TMEM200A: variants seen among roughly 807,000 people sequenced by gnomAD.
TMEM200A encodes two transmembrane C.
In TMEM200A, 12 loss-of-function variants were observed where a neutral mutation model predicts 24.3. The ratio of observed to expected loss-of-function variants is 0.49; its 90% CI spans 0.32 to 0.80. TMEM200A has a LOEUF of 0.80. Ranked by LOEUF, TMEM200A falls within the 30% of genes least tolerant of loss-of-function variation. The pLI is 0.04. For missense variants in TMEM200A, 545 were observed against 614.4 expected (o/e 0.89, Z 1.19); for synonymous variants, 224 against 224.4 (o/e 1.00, Z 0.02).
chr6:130,393,300 TGTAAG>T (rs1176842723), intron 2 of TMEM200A, among the ~76,000 whole-genome samples: 5 of 152,154 alleles, frequency 3.3e-5, no homozygotes, highest in African/African-American at 9.7e-5. Flanking sequence ...AATTTGATCT[TGTAAG>T]GGAGAAATAC....
At chr6:130,393,346 A>G (rs1425280044) in intron 2 of TMEM200A, among the ~76,000 whole-genome samples, 4 of 152,344 alleles carry the variant, frequency 2.6e-5, no homozygotes, top group Middle Eastern at 3.4e-3. Flanking sequence ...TTCTGACAAT[A>G]GAGTGCTATT....
chr6:130,441,792 A>T lies in TMEM200A; in HGVS notation c.1370A>T (p.Lys457Met). ...GCCATCAAAAAGGACTTTACCAATAAGGAGAAGCTTCTTATGATTTCAAGA... is the reference window on the plus strand; with the variant it reads ...GCCATCAAAAAGGACTTTACCAATATGGAGAAGCTTCTTATGATTTCAAGA... Reference protein sequence around the residue: ...QVAIKKDFTNKEKLLMISRSH... With the variant: ...QVAIKKDFTNMEKLLMISRSH... Residue 457 changes from lysine (K) to methionine (M), a missense_variant, in exon 3 of 3, where the codon AAG (lysine) becomes ATG (methionine). Transcript: ENST00000296978. 1 of 1,614,118 alleles carries T rather than the reference A, an allele frequency of 6.2e-7. No individual in the cohort carries two copies. The highest frequency in any genetic ancestry group is 8.5e-7 in the Non-Finnish European group (1 of 1,179,980).
At chr6:130,415,629 C>G (rs913147365) in intron 2 of TMEM200A, among the ~76,000 whole-genome samples, 2 of 152,060 alleles carry the variant, frequency 1.3e-5, no homozygotes, top group Admixed American at 6.6e-5. Flanking sequence ...GAAATCTATC[C>G]ACCCCTCCCA....
chr6:130,376,787 T>C (rs1215168728), intron 1 of TMEM200A, among the ~76,000 whole-genome samples: 5 of 152,140 alleles, frequency 3.3e-5, no homozygotes, highest in African/African-American at 1.2e-4. Context: ...CCTGGTTAAG[T>C]AGGAATCTCT....
chr6:130,404,763 T>TGGTATTGCCTA (rs201459209), intron 2 of TMEM200A, among the ~76,000 whole-genome samples: 46,504 of 151,770 alleles, frequency 0.31, 10,288 homozygotes, highest in African/African-American at 0.63. Context: ...ATGTCCTGAA[T>TGGTATTGCCTA]GGTTGTCTTC....
rs902760857 is a variant in TMEM200A, at chr6:130,441,089, G to A, written c.667G>A (p.Asp223Asn). 6.2e-7 allele frequency: 1 copy of A among 1,614,020 alleles called. No individual in the cohort carries two copies. Among genetic ancestry groups the A allele is most frequent in the Non-Finnish European group, 8.5e-7 (1 of 1,179,990 alleles). ...GGGTTTTCGGAGCAGTTTTCGAATG[G>A]ACAGCTCCGTGGAGGAGGATGAACT... ...FSGFRSSFRM[D>N]SSVEEDELML... The change falls in exon 3 of 3, where the codon GAC becomes AAC. Residue 223 changes from aspartate to asparagine, a missense_variant. Asp to Asn is a conservative substitution (Grantham distance 23). Transcript: ENST00000296978.
chr6:130,399,628 TTTTTATTTC>T, intron 2 of TMEM200A, among the ~76,000 whole-genome samples: 1 of 125,662 alleles, frequency 8.0e-6, no homozygotes, highest in East Asian at 2.0e-4. Context: ...ATGTTTTCTA[TTTTTATTTC>T]TTCTTTTATT....
intron 1 of TMEM200A, among the ~76,000 whole-genome samples, chr6:130,383,856 GCCTGTAAT>G (rs1778655352): frequency 1.3e-5 from 2 of 152,284 alleles, no homozygotes; most frequent in Middle Eastern, 3.4e-3. Context: ...GGTGGTTCAT[GCCTGTAAT>G]CCCAGCACTT....
At chr6:130,410,073 A>G (rs1779297866) in intron 2 of TMEM200A, among the ~76,000 whole-genome samples, 2 of 152,180 alleles carry the variant, frequency 1.3e-5, no homozygotes, top group South Asian at 2.1e-4. Flanking sequence ...TGAATATCAT[A>G]TATTTTGAAA....
intron 2 of TMEM200A, among the ~76,000 whole-genome samples, chr6:130,435,403 C>T (rs79111616): frequency 0.014 from 2,146 of 152,232 alleles, 30 homozygotes; most frequent in East Asian, 0.057. Context: ...TAAATGATGT[C>T]ATCAAAATGA....
chr6:130,406,352 C>T (rs2115147035), intron 2 of TMEM200A, among the ~76,000 whole-genome samples: 1 of 152,280 alleles, frequency 6.6e-6, no homozygotes, highest in South Asian at 2.1e-4. Context: ...ATCCCTCCTC[C>T]CACATTCCCC....
intron 2 of TMEM200A, among the ~76,000 whole-genome samples, chr6:130,414,133 TA>T (rs962493844): frequency 6.6e-6 from 1 of 151,990 alleles, no homozygotes; most frequent in Non-Finnish European, 1.5e-5. Context: ...ATTATGACAT[TA>T]AAAAATATAA....
chr6:130,424,592 G>A (rs146744480), intron 2 of TMEM200A, among the ~76,000 whole-genome samples: 2,780 of 152,166 alleles, frequency 0.018, 23 homozygotes, highest in Non-Finnish European at 0.027. Flanking sequence ...TTTGATCTAA[G>A]TAAGGCTGTA....
At chr6:130,439,750 ACAT>A (rs1249289757) in intron 2 of TMEM200A, among the ~76,000 whole-genome samples, 1 of 152,156 alleles carries the variant, frequency 6.6e-6, no homozygotes, top group East Asian at 1.9e-4. Context: ...GGAGAACTTA[ACAT>A]CATAAAAGAC....
At chr6:130,369,370 T>C (rs1204489227) in intron 1 of TMEM200A, among the ~76,000 whole-genome samples, 1 of 152,190 alleles carries the variant, frequency 6.6e-6, no homozygotes, top group East Asian at 1.9e-4. Context: ...AAGCTCACTT[T>C]GGAAACCCTG....
chr6:130,393,890 C>A (rs1778892089), intron 2 of TMEM200A, among the ~76,000 whole-genome samples: 1 of 152,158 alleles, frequency 6.6e-6, no homozygotes. Flanking sequence ...ACATCTCTAA[C>A]CATGGTTTAT....
In TMEM200A at chr6:130,373,343, A is replaced by G. The variant is rs556068397; in HGVS notation, c.-81+6819A>G. On this transcript the variant is annotated intron_variant, in intron 1 of 2. Transcript: ENST00000296978. The stretch of plus-strand genomic sequence containing the variant: ...CCTTAGAAAAATACATTAAGTATAA[A>G]AAGTCAGGGAGAAAATTTGCCTGTA... Among the ~76,000 whole-genome samples the G allele has an allele frequency of 7.2e-4, 110 of 152,238 alleles. 1 individual carries two copies. The highest frequency in any genetic ancestry group is 1.0e-3 in the Non-Finnish European group (69 of 68,048).
intron 1 of TMEM200A, among the ~76,000 whole-genome samples, chr6:130,373,099 T>A (rs775670062): frequency 6.6e-6 from 1 of 152,268 alleles, no homozygotes; most frequent in Middle Eastern, 3.4e-3. Context: ...ATCAACATCT[T>A]TGGGCTTAAA....
chr6:130,441,861 A>G lies in TMEM200A; in HGVS notation c.1439A>G (p.Asn480Ser). The G allele has an allele frequency of 6.2e-7, 1 of 1,612,096 alleles. No homozygotes were observed. The highest frequency in any genetic ancestry group is 8.5e-7 in the Non-Finnish European group (1 of 1,179,298). The change falls in exon 3 of 3, where the codon AAC becomes AGC. Residue 480 changes from asparagine (N) to serine (S), a missense_variant. Asn to Ser is a conservative substitution (Grantham distance 46). Coordinates refer to ENST00000296978, the MANE Select transcript of TMEM200A (RefSeq NM_001258277.2). ...LSFEHDEFLS[N>S]NLKRGTSETR... Reference sequence around the variant, plus strand: ...TTTGAACATGATGAGTTTTTGAGTAACAACCTAAAGAGGGGAACTTCTGAA... The same window carrying G: ...TTTGAACATGATGAGTTTTTGAGTAGCAACCTAAAGAGGGGAACTTCTGAA...
Sources: allele counts gnomAD v4.1 joint callset (sites outside exome capture counted in the v4.1 genomes callset), GRCh38; gene constraint gnomAD v4.1.1; transcripts MANE v1.5; gene names NCBI Gene and HGNC (gene_info 2026-07-23, HGNC 2026-07-21).